PKP4: variants seen among roughly 807,000 people sequenced by gnomAD.
The protein encoded by PKP4 is plakophilin 4.
In PKP4, 90 loss-of-function variants were observed where a neutral mutation model predicts 145.1. The ratio of observed to expected loss-of-function variants is 0.62; its 90% CI spans 0.52 to 0.74. PKP4 has a LOEUF of 0.74. PKP4 is among the 30% of genes least tolerant of loss of function. The pLI is 0.00. For synonymous variants in PKP4, 563 were observed against 577.2 expected, an observed-to-expected ratio of 0.98 and a Z score of 0.35; for missense variants, 1,340 against 1,482.7, an observed-to-expected ratio of 0.90 and a Z score of 1.58.
Position 158,669,856 on chromosome 2 carries a change from C to A in PKP4, c.2865C>A (p.Ala955=). The part of the protein sequence containing the change: ...VTSKNMENAK[A]LADSGGIEKL... ...GCAAAAACATGGAGAACGCAAAAGC[C>A]CTGGCCGACTCAGGAGGCATAGAGA... Residue 955 remains alanine (A), a synonymous_variant, in exon 17 of 22, where the codon GCC becomes GCA. Transcript: ENST00000389759. 1 of 1,614,010 alleles carries A rather than the reference C, an allele frequency of 6.2e-7. No individual in the cohort carries two copies.
intron 1 of PKP4, among the ~76,000 whole-genome samples, chr2:158,512,248 A>T (rs1212695777): frequency 6.6e-6 from 1 of 152,246 alleles, no homozygotes; most frequent in African/African-American, 2.4e-5. Flanking sequence ...ACTTTAGGTG[A>T]AATGGAAATA....
At chr2:158,503,925 A>G (rs1487092156) in intron 1 of PKP4, among the ~76,000 whole-genome samples, 1 of 146,202 alleles carries the variant, frequency 6.8e-6, no homozygotes, top group Non-Finnish European at 1.5e-5. Context: ...GCTGGACCAT[A>G]CTTTGAGACT....
At chr2:158,654,528 T>C (rs1015729161) in intron 11 of PKP4, among the ~76,000 whole-genome samples, 3 of 152,186 alleles carry the variant, frequency 2.0e-5, no homozygotes, top group African/African-American at 4.8e-5. Context: ...TTTTGCACTT[T>C]GAGGGATGGG....
intron 9 of PKP4, among the ~76,000 whole-genome samples, chr2:158,638,339 A>C (rs1482932377): frequency 1.3e-5 from 2 of 152,254 alleles, no homozygotes; most frequent in Non-Finnish European, 2.9e-5. Flanking sequence ...CCAACCAGTG[A>C]AGATTGAAAT....
At chr2:158,661,207 G>A in intron 12 of PKP4, 126 bp from the exon 13 acceptor site, 1 of 650,584 alleles carries the variant, frequency 1.5e-6, no homozygotes, top group Admixed American at 2.1e-5. Context: ...CAAGCCCCCA[G>A]TGCCTCCTCC....
chr2:158,670,767 G>C (rs570108813), intron 17 of PKP4, among the ~76,000 whole-genome samples: 1 of 152,224 alleles, frequency 6.6e-6, no homozygotes, highest in African/African-American at 2.4e-5. Flanking sequence ...ATGTGCCCCA[G>C]GCTTGGATGG....
rs368007973 is a variant in PKP4 at position 158,569,376 on chromosome 2, T to C, written c.133-7895T>C. Among the ~76,000 whole-genome samples the C allele has an allele frequency of 1.5e-4, 23 of 152,290 alleles. No individual in the cohort carries two copies. In the East Asian group the frequency reaches 2.5e-3, roughly 17 times the overall value. On this transcript the variant is annotated intron_variant, in intron 2 of 21. Transcript: ENST00000389759. The stretch of plus-strand genomic sequence containing the variant: ...GGTAGCTGTATGTTGCACTTTTCTT[T>C]GATCGTGAGATCTCAAGGTAACAGG...
intron 4 of PKP4, among the ~76,000 whole-genome samples, chr2:158,613,578 A>G (rs2051325533): frequency 6.6e-6 from 1 of 152,138 alleles, no homozygotes; most frequent in Non-Finnish European, 1.5e-5. Context: ...GGACAGCAAT[A>G]GTGTTAAAAT....
intron 2 of PKP4, among the ~76,000 whole-genome samples, chr2:158,550,967 T>C (rs1023625496): frequency 7.2e-5 from 11 of 152,262 alleles, no homozygotes; most frequent in African/African-American, 2.2e-4. Context: ...CTGTGTTATT[T>C]ATGTTTTTTA....
At chr2:158,535,607 T>TG (rs1230632154) in intron 2 of PKP4, among the ~76,000 whole-genome samples, 2 of 152,012 alleles carry the variant, frequency 1.3e-5, no homozygotes, top group South Asian at 2.1e-4. Flanking sequence ...TTTGTAGAGA[T>TG]GGGGGTCTCA....
rs547477094 is a variant in PKP4 at position 158,676,510 on chromosome 2, G to A, written c.3128-229G>A. Among the ~76,000 whole-genome samples, 9 of 152,274 alleles carry A rather than the reference G, an allele frequency of 5.9e-5. No individual in the cohort carries two copies. In the East Asian group the frequency reaches 7.7e-4, roughly 13 times the overall value. On this transcript the variant is annotated intron_variant, in intron 19 of 21. Coordinates refer to ENST00000389759, the MANE Select transcript of PKP4 (RefSeq NM_003628.6). ...GCCCTCCAGCTTGAGAGTGAGCCCCGGTGTTGACTTTGCTGATTTGTGCAG... is the reference window on the plus strand; with the variant it reads ...GCCCTCCAGCTTGAGAGTGAGCCCCAGTGTTGACTTTGCTGATTTGTGCAG...
chr2:158,567,043 G>A (rs533581219), intron 2 of PKP4, among the ~76,000 whole-genome samples: 51 of 152,286 alleles, frequency 3.3e-4, no homozygotes, highest in African/African-American at 1.1e-3. Context: ...ATGTCAGGGA[G>A]GAAGGGGAGG....
intron 2 of PKP4, among the ~76,000 whole-genome samples, chr2:158,548,058 A>G (rs1043837625): frequency 1.3e-5 from 2 of 152,218 alleles, no homozygotes; most frequent in Admixed American, 1.3e-4. Flanking sequence ...CACTATGACT[A>G]GAATAAAGCC....
intron 1 of PKP4, among the ~76,000 whole-genome samples, chr2:158,461,697 G>C (rs932186357): frequency 2.2e-4 from 33 of 152,264 alleles, no homozygotes; most frequent in Admixed American, 1.9e-3. Flanking sequence ...ACCTTTCTTT[G>C]ACATCTGAGG....
At chr2:158,671,056 T>G (rs1255113605) in intron 17 of PKP4, among the ~76,000 whole-genome samples, 3 of 152,166 alleles carry the variant, frequency 2.0e-5, no homozygotes, top group Non-Finnish European at 4.4e-5. Flanking sequence ...GCTGTGGAAG[T>G]TATGTCTTCC....
intron 2 of PKP4, among the ~76,000 whole-genome samples, chr2:158,568,162 C>G (rs1339068198): frequency 3.3e-5 from 5 of 152,052 alleles, no homozygotes; most frequent in African/African-American, 1.2e-4. Context: ...GGTGAAACCC[C>G]TTCTCTACTA....
At chr2:158,646,239 C>T (rs1308060447) in intron 11 of PKP4, among the ~76,000 whole-genome samples, 1 of 152,186 alleles carries the variant, frequency 6.6e-6, no homozygotes, top group African/African-American at 2.4e-5. Context: ...TAACTATATA[C>T]TGTTACCACT....
chr2:158,611,107 T>C (rs3755417), intron 4 of PKP4, among the ~76,000 whole-genome samples: 29,303 of 152,172 alleles, frequency 0.19, 3,666 homozygotes, highest in Middle Eastern at 0.35. Context: ...TTAATAGATT[T>C]GGATGAACAG....
intron 1 of PKP4, among the ~76,000 whole-genome samples, chr2:158,471,594 A>G (rs372582937): frequency 2.6e-5 from 4 of 152,268 alleles, no homozygotes; most frequent in Admixed American, 2.0e-4. Flanking sequence ...GAGAAGACAT[A>G]CTGGAAGTAA....
Sources: allele counts gnomAD v4.1 joint callset (sites outside exome capture counted in the v4.1 genomes callset), GRCh38; gene constraint gnomAD v4.1.1; transcripts MANE v1.5; gene names NCBI Gene and HGNC (gene_info 2026-07-23, HGNC 2026-07-21).